PLS3: variants seen among roughly 807,000 people sequenced by gnomAD.
PLS3 encodes plastin-3.
A neutral mutation model predicts 46.5 loss-of-function variants in PLS3; 11 were observed. The ratio of observed to expected loss-of-function variants is 0.24; its 90% confidence interval spans 0.15 to 0.39. PLS3 has a LOEUF of 0.39. Ranked by LOEUF, PLS3 falls within the 10% of genes least tolerant of loss-of-function variation. PLS3 has a pLI of 1.00. For synonymous variants in PLS3, 167 were observed against 162.2 expected (o/e 1.03, Z -0.22); for missense variants, 308 against 461.8 (o/e 0.67, Z 3.05).
chrX:115,626,617 G>T (rs1556638537), intron 3 of PLS3, among the ~76,000 whole-genome samples: 1 of 110,471 alleles, frequency 9.1e-6, no homozygotes, highest in East Asian at 2.8e-4. Context: ...GGGAATAGAG[G>T]AAAATACTAT....
intron 2 of PLS3, among the ~76,000 whole-genome samples, chrX:115,617,973 C>G (rs1556637045): frequency 9.0e-6 from 1 of 111,314 alleles, no homozygotes; most frequent in African/African-American, 3.3e-5. Flanking sequence ...GGTGCCCAGG[C>G]TAGAGTGCCA....
Position 115,636,849 on chromosome X carries a change from A to G in PLS3, c.762A>G (p.Leu254=), listed in dbSNP as rs781966394. The G allele has an allele frequency of 8.4e-7, 1 of 1,197,588 alleles. No individual in the cohort carries two copies. Among genetic ancestry groups the G allele is most frequent in the Non-Finnish European group, 1.1e-6 (1 of 888,632 alleles). The stretch of plus-strand genomic sequence containing the variant: ...TTTTTCTTCTAGCCTTGGCTGCTTT[A>G]CTCCGAGATGGTGAGACTTTGGAGG... The part of the protein sequence containing the change: ...ELSRNEALAA[L]LRDGETLEEL... Residue 254 remains leucine, a synonymous_variant, in exon 8 of 16, where the codon TTA becomes TTG. Coordinates refer to ENST00000355899, the MANE Select transcript of PLS3 (RefSeq NM_005032.7).
chrX:115,622,103 T>G (rs2074661323), intron 2 of PLS3, 143 bp from the exon 3 acceptor site: 1 of 482,668 alleles, frequency 2.1e-6, no homozygotes, highest in South Asian at 3.9e-5. Context: ...TCCATTTCCC[T>G]TTCAAACAAC....
chrX:115,610,852 G>A, intron 2 of PLS3: 1 of 1,106,171 alleles, frequency 9.0e-7, no homozygotes, highest in Non-Finnish European at 1.2e-6. Flanking sequence ...AAGATGAGAA[G>A]GCATAGCATG....
At chrX:115,640,278 A>T (rs973950650) in intron 8 of PLS3, 130 bp from the exon 9 acceptor site, 2 of 639,344 alleles carry the variant, frequency 3.1e-6, no homozygotes, top group Non-Finnish European at 5.0e-6. Context: ...ACACCTGTTA[A>T]ATTAAAAGGC....
chrX:115,580,980 C>G (rs782450596), intron 1 of PLS3, among the ~76,000 whole-genome samples: 12 of 111,215 alleles, frequency 1.1e-4, no homozygotes, highest in Non-Finnish European at 2.1e-4. Context: ...AAGCAATCCT[C>G]CCGCCTCAGC....
intron 2 of PLS3, among the ~76,000 whole-genome samples, chrX:115,617,609 T>C (rs1366662062): frequency 2.7e-5 from 3 of 112,108 alleles, no homozygotes; most frequent in Non-Finnish European, 3.8e-5. Context: ...GGGTGGGAGA[T>C]ACAAAGATTT....
chrX:115,561,505 C>A (rs2147401583), intron 1 of PLS3, among the ~76,000 whole-genome samples: 1 of 111,997 alleles, frequency 8.9e-6, no homozygotes, highest in African/African-American at 3.2e-5. Context: ...CCGCCGCAGA[C>A]ACGTTTTCTG....
intron 1 of PLS3, among the ~76,000 whole-genome samples, chrX:115,586,096 C>T (rs1450104823): frequency 1.8e-5 from 2 of 108,241 alleles, no homozygotes; most frequent in Non-Finnish European, 3.8e-5. Context: ...AAGCCATTCT[C>T]CTGCCTCAGC....
chrX:115,632,661 A>G (rs782680171), intron 5 of PLS3, among the ~76,000 whole-genome samples: 5 of 110,773 alleles, frequency 4.5e-5, no homozygotes, highest in African/African-American at 1.6e-4. Context: ...CTCATGCTCA[A>G]CTAATTTTAC....
chrX:115,606,199 G>GCAGTGATA (rs1283448084), intron 1 of PLS3, among the ~76,000 whole-genome samples: 59 of 37,366 alleles, frequency 1.6e-3, no homozygotes, highest in African/African-American at 5.9e-3. Context: ...TTGCAGTGAT[G>GCAGTGATA]CACTGATGGC....
At chrX:115,622,430 AATT>A in intron 3 of PLS3, 21 bp downstream of exon 3, 3 of 1,055,013 alleles carry the variant, frequency 2.8e-6, no homozygotes, top group Non-Finnish European at 4.0e-6. Flanking sequence ...GAAAATTCAC[AATT>A]ATTAGAAGTA....
At chrX:115,579,834 G>C (rs1456806796) in intron 1 of PLS3, among the ~76,000 whole-genome samples, 3 of 111,157 alleles carry the variant, frequency 2.7e-5, no homozygotes, top group Non-Finnish European at 5.6e-5. Flanking sequence ...CTGGGCTCAA[G>C]TGATTCTCCT....
At chrX:115,597,493 A>T (rs1236167982) in intron 1 of PLS3, among the ~76,000 whole-genome samples, 1 of 111,948 alleles carries the variant, frequency 8.9e-6, no homozygotes, top group Admixed American at 9.5e-5. Flanking sequence ...TTGGAGTTGG[A>T]TAAAGGGTAG....
At chrX:115,645,127 A>C (rs374439722) in intron 11 of PLS3, 28 bp downstream of exon 11, 4 of 876,168 alleles carry the variant, frequency 4.6e-6, no homozygotes, top group Non-Finnish European at 6.7e-6. Flanking sequence ...TATTGTAAAC[A>C]GTTACGAATG....
chrX:115,594,668 TCACA>T (rs1212047902), intron 1 of PLS3, among the ~76,000 whole-genome samples: 8 of 97,997 alleles, frequency 8.2e-5, no homozygotes, highest in South Asian at 9.2e-4. Flanking sequence ...TCTCTCTCTC[TCACA>T]CACACACACA....
At chrX:115,576,465 G>T (rs1487130435) in intron 1 of PLS3, among the ~76,000 whole-genome samples, 1 of 111,750 alleles carries the variant, frequency 8.9e-6, no homozygotes, top group Non-Finnish European at 1.9e-5. Context: ...CAGCTACTCA[G>T]GAGGCTGAGG....
intron 2 of PLS3, among the ~76,000 whole-genome samples, chrX:115,619,269 A>T (rs1368050924): frequency 8.9e-6 from 1 of 112,464 alleles, no homozygotes; most frequent in Non-Finnish European, 1.9e-5. Context: ...CCAAGTTGAG[A>T]TAAGACATTG....
intron 1 of PLS3, among the ~76,000 whole-genome samples, chrX:115,587,284 C>T (rs1338155881): frequency 2.7e-5 from 3 of 112,208 alleles, no homozygotes; most frequent in Non-Finnish European, 3.8e-5. Context: ...TGTATTAAAT[C>T]TCAATTCTTA....
Sources: gnomAD v4.1 joint callset for allele counts (sites outside exome capture counted in the v4.1 genomes callset) on GRCh38, gnomAD v4.1.1 for gene constraint, MANE v1.5 for transcripts, NCBI Gene and HGNC (gene_info 2026-07-23, HGNC 2026-07-21) for gene names.